The following SCD5 variants were observed in gnomAD, a reference collection of about 807,000 sequenced individuals.
SCD5 encodes the protein stearoyl-CoA desaturase 5.
In SCD5, 20 loss-of-function variants were observed where a neutral mutation model predicts 30.4. The ratio of observed to expected loss-of-function variants is 0.66; its 90% CI spans 0.46 to 0.96. The LOEUF (loss-of-function observed/expected upper bound fraction) is 0.96, where lower values mean the gene tolerates loss of function less well. SCD5 is among the 40% of genes least tolerant of loss of function. The pLI, the probability that SCD5 is intolerant of heterozygous loss-of-function variation, is 0.00. For missense variants in SCD5, 381 were observed against 443.3 expected (o/e 0.86, Z 1.26); for synonymous variants, 173 against 176.4 (o/e 0.98, Z 0.16).
intron 3 of SCD5, among the ~76,000 whole-genome samples, chr4:82,671,160 C>G (rs952992186): frequency 6.6e-6 from 1 of 152,074 alleles, no homozygotes; most frequent in Non-Finnish European, 1.5e-5. Flanking sequence ...CATTACGTAA[C>G]GATATAGGGG....
rs1394500530 is a variant in SCD5 at position 82,792,736 on chromosome 4, T to TG, written c.232+5569dup. Among the ~76,000 whole-genome samples the TG allele has an allele frequency of 3.3e-5, 5 of 152,300 alleles. No homozygotes were observed. In the East Asian group the frequency reaches 9.7e-4, roughly 29 times the overall value. On this transcript the variant is annotated intron_variant, in intron 1 of 4. Coordinates refer to ENST00000319540, the MANE Select transcript of SCD5 (RefSeq NM_001037582.3). ...GATCTTGTCTCAAAGAAAATACATA[T>TG]GCCCAAATTCTCAAATAACTGTCTG...
chr4:82,653,617 A>G (rs1727800811), intron 3 of SCD5, among the ~76,000 whole-genome samples: 1 of 151,588 alleles, frequency 6.6e-6, no homozygotes, highest in Admixed American at 6.6e-5. Flanking sequence ...AGTTTTCATT[A>G]TCACAAAAAT....
At chr4:82,714,088 T>G (rs1446671434) in intron 1 of SCD5, among the ~76,000 whole-genome samples, 1 of 152,234 alleles carries the variant, frequency 6.6e-6, no homozygotes, top group Non-Finnish European at 1.5e-5. Context: ...CCTGTCTGCC[T>G]GTCTGTATCA....
chr4:82,798,081 G>GGGGC lies in SCD5; in HGVS notation c.232+224_232+225insGCCC, dbSNP rs1176793697. Reference sequence around the variant, plus strand: ...TTCCTCAGGCAGACCGCGGCGGGGTGGGGGCGGGGGGGGGGCGGAAGTTGA... The same window carrying GGGGC: ...TTCCTCAGGCAGACCGCGGCGGGGTGGGGCGGGGCGGGGGGGGGGCGGAAGTTGA... On this transcript the variant is annotated intron_variant, in intron 1 of 4. Transcript: ENST00000319540. Among the ~76,000 whole-genome samples, 110 of 69,956 alleles carry GGGGC rather than the reference G, an allele frequency of 1.6e-3. 2 individuals carry two copies. Among genetic ancestry groups the GGGGC allele is most frequent in the African/African-American group, 4.3e-3 (99 of 22,926 alleles). 45.9% of individuals were successfully genotyped at this position (69,956 alleles called of 152,430 possible). A position where few individuals can be genotyped will look rare whatever the true frequency, so the allele number is the denominator to read the frequency against.
chr4:82,664,999 C>CTCTATATATATA (rs1219554314), intron 3 of SCD5, among the ~76,000 whole-genome samples: 103 of 70,444 alleles, frequency 1.5e-3, no homozygotes, highest in African/African-American at 4.6e-3. Context: ...CTCTCTCTCT[C>CTCTATATATATA]TATATATATA....
intron 1 of SCD5, among the ~76,000 whole-genome samples, chr4:82,761,244 A>G (rs945825675): frequency 6.6e-6 from 1 of 152,234 alleles, no homozygotes; most frequent in African/African-American, 2.4e-5. Context: ...TAGAGCAGGC[A>G]ACGTCTGACA....
Position 82,680,769 on chromosome 4 carries a change from C to T in SCD5, c.507G>A (p.Glu169=), listed in dbSNP as rs1314274368. 2 of 1,613,956 alleles carry T rather than the reference C, an allele frequency of 1.2e-6. No individual in the cohort carries two copies. Among genetic ancestry groups the T allele is most frequent in the Non-Finnish European group, 1.7e-6 (2 of 1,180,040 alleles). Residue 169 remains glutamate (E), a synonymous_variant, in exon 3 of 5, where the codon GAG becomes GAA. Coordinates refer to ENST00000319540, the MANE Select transcript of SCD5 (RefSeq NM_001037582.3). ...CAGTGACGTCAAGCTTTCTCCCCTTCTCAATAACATCTCGATGCTTGCGAA... is the reference window on the plus strand; with the variant it reads ...CAGTGACGTCAAGCTTTCTCCCCTTTTCAATAACATCTCGATGCTTGCGAA... ...LFVRKHRDVI[E]KGRKLDVTDL...
At chr4:82,631,554 C>T (rs1727293270) in intron 4 of SCD5, 37 bp from the exon 5 acceptor site, 2 of 1,598,484 alleles carry the variant, frequency 1.3e-6, no homozygotes, top group African/African-American at 2.7e-5. Flanking sequence ...AATTCAATCA[C>T]CACCTCTCTG....
At chr4:82,704,461 A>C (rs1286705422) in intron 2 of SCD5, among the ~76,000 whole-genome samples, 2 of 152,210 alleles carry the variant, frequency 1.3e-5, no homozygotes, top group Non-Finnish European at 2.9e-5. Flanking sequence ...GACCAAACCA[A>C]AAGTACCCAA....
intron 2 of SCD5, among the ~76,000 whole-genome samples, chr4:82,686,057 G>A (rs1272586193): frequency 6.6e-6 from 1 of 151,696 alleles, no homozygotes; most frequent in East Asian, 1.9e-4. Context: ...CCAGGCTGGA[G>A]TGCAGTGGTG....
intron 1 of SCD5, among the ~76,000 whole-genome samples, chr4:82,750,674 G>A (rs747339556): frequency 1.3e-5 from 2 of 151,870 alleles, no homozygotes; most frequent in African/African-American, 4.8e-5. Context: ...CCAAAAGGCA[G>A]TTCATTATGT....
At chr4:82,644,999 G>T (rs1314554594) in intron 3 of SCD5, among the ~76,000 whole-genome samples, 1 of 152,162 alleles carries the variant, frequency 6.6e-6, no homozygotes, top group Non-Finnish European at 1.5e-5. Context: ...GATAGGAGAA[G>T]GTGCCTAAAC....
At chr4:82,727,513 A>G (rs1185314129) in intron 1 of SCD5, among the ~76,000 whole-genome samples, 9 of 152,172 alleles carry the variant, frequency 5.9e-5, no homozygotes, top group African/African-American at 2.2e-4. Flanking sequence ...TTTGTCTCCC[A>G]GAGACAGCTG....
intron 3 of SCD5, chr4:82,661,223 A>C (rs1728000867): frequency 4.2e-6 from 3 of 714,348 alleles, no homozygotes; most frequent in Non-Finnish European, 7.2e-6. Context: ...ACTCAATAGG[A>C]TATAACATGG....
chr4:82,675,285 T>A (rs1728412246), intron 3 of SCD5, among the ~76,000 whole-genome samples: 1 of 152,136 alleles, frequency 6.6e-6, no homozygotes, highest in Admixed American at 6.5e-5. Context: ...AACCTAAAAC[T>A]GCTCTTTAAA....
At chr4:82,755,072 G>C (rs1721204647) in intron 1 of SCD5, among the ~76,000 whole-genome samples, 1 of 148,032 alleles carries the variant, frequency 6.8e-6, no homozygotes, top group African/African-American at 2.5e-5. Context: ...TTCAGAACTT[G>C]GAAAGTCTAT....
At chr4:82,759,047 C>G (rs1328210935) in intron 1 of SCD5, among the ~76,000 whole-genome samples, 15 of 152,270 alleles carry the variant, frequency 9.9e-5, no homozygotes, top group Non-Finnish European at 1.2e-4. Flanking sequence ...CTCTTCAGCT[C>G]CCGGCCATCT....
At chr4:82,741,778 A>T (rs1407035209) in intron 1 of SCD5, among the ~76,000 whole-genome samples, 1 of 145,814 alleles carries the variant, frequency 6.9e-6, no homozygotes, top group Non-Finnish European at 1.5e-5. Flanking sequence ...TTCACAAAGG[A>T]AATTATTGAG....
intron 1 of SCD5, 78 bp from the exon 2 acceptor site, chr4:82,705,491 A>G: frequency 6.4e-7 from 1 of 1,558,052 alleles, no homozygotes; most frequent in Non-Finnish European, 8.7e-7. Flanking sequence ...TCTCTCCTGA[A>G]CAGGGACACA....
Sources: allele counts gnomAD v4.1 joint callset (sites outside exome capture counted in the v4.1 genomes callset), GRCh38; gene constraint gnomAD v4.1.1; transcripts MANE v1.5; gene names NCBI Gene and HGNC (gene_info 2026-07-23, HGNC 2026-07-21).